CD99L2: variants seen among roughly 807,000 people sequenced by gnomAD.
The protein encoded by CD99L2 is CD99 molecule like 2.
In CD99L2, 24 loss-of-function variants were observed where a neutral mutation model predicts 27.3. The ratio of observed to expected loss-of-function variants is 0.88; its 90% confidence interval spans 0.64 to 1.24. The LOEUF (loss-of-function observed/expected upper bound fraction) is 1.24. Ranked by LOEUF, CD99L2 falls within the 50% of genes most tolerant of loss-of-function variation. The pLI is 0.00. For synonymous variants in CD99L2, 97 were observed against 87.9 expected, an observed-to-expected ratio of 1.10 and a Z score of -0.58; for missense variants, 255 against 221.6, an observed-to-expected ratio of 1.15 and a Z score of -0.96.
At chrX:150,837,181 G>A (rs1399935972) in intron 1 of CD99L2, among the ~76,000 whole-genome samples, 2 of 111,742 alleles carry the variant, frequency 1.8e-5, no homozygotes, top group African/African-American at 6.5e-5. Flanking sequence ...ATTTGACTGG[G>A]ACAGAAAATA....
intron 1 of CD99L2, among the ~76,000 whole-genome samples, chrX:150,869,335 C>T (rs1206784047): frequency 8.9e-6 from 1 of 111,835 alleles, no homozygotes; most frequent in Admixed American, 9.5e-5. Flanking sequence ...CCCTCACCAC[C>T]CACATCCGAC....
At chrX:150,833,792 G>T (rs887150368) in intron 1 of CD99L2, among the ~76,000 whole-genome samples, 1 of 111,494 alleles carries the variant, frequency 9.0e-6, no homozygotes, top group Non-Finnish European at 1.9e-5. Flanking sequence ...ATGAATAAAA[G>T]ACTTAAATGC....
chrX:150,843,191 G>A (rs995986093), intron 1 of CD99L2, among the ~76,000 whole-genome samples: 22 of 111,720 alleles, frequency 2.0e-4, no homozygotes, highest in African/African-American at 7.2e-4. Flanking sequence ...CCTCTCAAGT[G>A]GCCAGTTACA....
intron 2 of CD99L2, among the ~76,000 whole-genome samples, chrX:150,830,142 G>A (rs781955273): frequency 1.6e-4 from 17 of 109,133 alleles, no homozygotes; most frequent in Non-Finnish European, 2.7e-4. Context: ...GTGACAGAGC[G>A]AGACTCTGTC....
At chrX:150,897,971 C>G (rs1199593512) in intron 1 of CD99L2, among the ~76,000 whole-genome samples, 1 of 107,208 alleles carries the variant, frequency 9.3e-6, no homozygotes, top group Non-Finnish European at 1.9e-5. Context: ...TCTCCTGCTC[C>G]TTGGCAAAAC....
chrX:150,824,433 GAAGA>G (rs1381824074), intron 2 of CD99L2, among the ~76,000 whole-genome samples: 2 of 80,632 alleles, frequency 2.5e-5, no homozygotes, highest in African/African-American at 4.6e-5. Flanking sequence ...AAGAGAAGAA[GAAGA>G]AAGAAGAAAG....
rs781906053 is a variant in CD99L2 at position 150,881,806 on chromosome X, C to CAATT, written c.67+16715_67+16716insAATT. Among the ~76,000 whole-genome samples the CAATT allele has an allele frequency of 8.3e-3, 891 of 107,676 alleles. 11 individuals are homozygous for CAATT. Among genetic ancestry groups the CAATT allele is most frequent in the African/African-American group, 0.011 (331 of 28,952 alleles). The allele number at this position is 107,676 out of a possible 115,157, so 93.5% of individuals were successfully genotyped here. ...TTGGCTCCCTTTGTACCTGACAGTA[C>CAATT]TCTTTCCAATTTTTTTTTTTTTTTT... is the stretch of plus-strand genomic sequence containing the variant. On this transcript the variant is annotated intron_variant, in intron 1 of 10. Coordinates refer to ENST00000370377, the MANE Select transcript of CD99L2 (RefSeq NM_031462.4).
intron 1 of CD99L2, among the ~76,000 whole-genome samples, chrX:150,882,147 TCCTCATATACTCAGCACAAGA>T (rs1176181864): frequency 9.0e-6 from 1 of 110,972 alleles, no homozygotes; most frequent in Non-Finnish European, 1.9e-5. Flanking sequence ...TCTACCTGGC[TCCTCATATACTCAGCACAAGA>T]CCTTGTTTCC....
rs782400184 is a variant in CD99L2 at position 150,824,304 on chromosome X, AGAGGAG to A, written c.130+6921_130+6926del. Among the ~76,000 whole-genome samples the A allele has an allele frequency of 7.8e-4, 49 of 62,554 alleles. 1 individual carries two copies. Among genetic ancestry groups the A allele is most frequent in the East Asian group, 3.2e-3 (6 of 1,874 alleles). 54.3% of individuals were successfully genotyped at this position (62,554 alleles called of 115,157 possible). On this transcript the variant is annotated intron_variant, in intron 2 of 10. Coordinates refer to ENST00000370377, the MANE Select transcript of CD99L2 (RefSeq NM_031462.4). ...GGAGGAGAAAGGAAGAAGAAGAAGA[AGAGGAG>A]GAGGAGGAGGAGGAGGAGAAGAAGA... is the stretch of plus-strand genomic sequence containing the variant.
Position 150,795,408 on chromosome X carries a change from G to A in CD99L2, c.346+10C>T. 8.3e-7 allele frequency: 1 copy of A among 1,211,013 alleles called. No homozygotes were observed. The highest frequency in any genetic ancestry group is 1.1e-6 in the Non-Finnish European group (1 of 894,924). ...TTGCCTTACTACTCTCCTCAGAGCG[G>A]CCACCTTACCTAAAGTATTTGCTGG... is the stretch of plus-strand genomic sequence containing the variant. On this transcript the variant is annotated intron_variant, in intron 5 of 10. Coordinates refer to ENST00000370377, the MANE Select transcript of CD99L2 (RefSeq NM_031462.4).
chrX:150,787,888 G>GTA (rs527795783), intron 7 of CD99L2, among the ~76,000 whole-genome samples: 2,909 of 63,532 alleles, frequency 0.046, 72 homozygotes, highest in Non-Finnish European at 0.051. Flanking sequence ...AGAACTTAAA[G>GTA]TATATATATA....
At chrX:150,850,086 T>G (rs2046766291) in intron 1 of CD99L2, among the ~76,000 whole-genome samples, 1 of 112,050 alleles carries the variant, frequency 8.9e-6, no homozygotes, top group Admixed American at 9.5e-5. Context: ...AGAGATGTTC[T>G]GAGGACACAA....
Position 150,812,666 on chromosome X carries a change from C to T in CD99L2, c.277+2196G>A, listed in dbSNP as rs782532017. 2.8e-4 allele frequency among the ~76,000 whole-genome samples: 31 copies of T among 112,453 alleles called. No homozygotes were observed. The Middle Eastern group carries it at 0.014, about 50-fold the overall frequency. ...TCTTACAAAACTAAACATGTAACTACCATGTGATCCAGTCACTGCACTCTT... is the reference window on the plus strand; with the variant it reads ...TCTTACAAAACTAAACATGTAACTATCATGTGATCCAGTCACTGCACTCTT... On this transcript the variant is annotated intron_variant, in intron 4 of 10. Coordinates refer to ENST00000370377, the MANE Select transcript of CD99L2 (RefSeq NM_031462.4).
At chrX:150,851,860 G>A (rs1247499230) in intron 1 of CD99L2, among the ~76,000 whole-genome samples, 1 of 111,578 alleles carries the variant, frequency 9.0e-6, no homozygotes, top group African/African-American at 3.3e-5. Flanking sequence ...GGGCCCACTT[G>A]GATAATCCAG....
intron 1 of CD99L2, among the ~76,000 whole-genome samples, chrX:150,861,162 G>C (rs1557421894): frequency 1.2e-5 from 1 of 86,482 alleles, no homozygotes; most frequent in South Asian, 5.4e-4. Context: ...AAAAAAAAGA[G>C]TATCATTAAG....
At chrX:150,786,317 G>A (rs1557419558) in intron 7 of CD99L2, among the ~76,000 whole-genome samples, 3 of 110,185 alleles carry the variant, frequency 2.7e-5, no homozygotes, top group African/African-American at 6.6e-5. Context: ...TTATTTCATC[G>A]CCTAGGTATT....
chrX:150,887,769 T>C lies in CD99L2; in HGVS notation c.67+10753A>G, dbSNP rs782635375. ...GCTCAGAGAGAGAGAACCCGACCGC[T>C]GAGGACAGCAGCATGGCGTCACAGG... is the stretch of plus-strand genomic sequence containing the variant. On this transcript the variant is annotated intron_variant, in intron 1 of 10. Coordinates refer to ENST00000370377, the MANE Select transcript of CD99L2 (RefSeq NM_031462.4). Among the ~76,000 whole-genome samples, 4 of 111,782 alleles carry C rather than the reference T, an allele frequency of 3.6e-5. No homozygotes were observed. The South Asian group carries it at 1.5e-3, about 42-fold the overall frequency.
intron 1 of CD99L2, among the ~76,000 whole-genome samples, chrX:150,845,186 A>G (rs2124278144): frequency 8.9e-6 from 1 of 112,026 alleles, no homozygotes; most frequent in South Asian, 3.7e-4. Flanking sequence ...CTGCAAGGAT[A>G]ACCTTTTCCA....
At chrX:150,787,926 A>ATATATAT (rs2045625602) in intron 7 of CD99L2, among the ~76,000 whole-genome samples, 43 of 90,837 alleles carry the variant, frequency 4.7e-4, no homozygotes, top group Non-Finnish European at 6.0e-4. Context: ...ATATATATAT[A>ATATATAT]AAAGGAGTCC....
Sources: allele counts gnomAD v4.1 joint callset (sites outside exome capture counted in the v4.1 genomes callset), GRCh38; gene constraint gnomAD v4.1.1; transcripts MANE v1.5; gene names NCBI Gene and HGNC (gene_info 2026-07-23, HGNC 2026-07-21).